The following CAPZB variants were observed in gnomAD, a reference collection of about 807,000 sequenced individuals.
CAPZB encodes the protein capping actin protein of muscle Z-line subunit beta, also known as F-actin-capping protein subunit beta.
Under a neutral mutation model 38.1 loss-of-function variants are expected in CAPZB, and 2 were observed. The ratio of observed to expected loss-of-function variants is 0.05; its 90% CI spans 0.02 to 0.17. The LOEUF is 0.17. CAPZB is among the 10% of genes least tolerant of loss of function. The pLI is 1.00. For synonymous variants in CAPZB, 107 were observed against 127.4 expected (o/e 0.84, Z 1.08); for missense variants, 161 against 334.2 (o/e 0.48, Z 4.04).
chr1:19,484,135 T>A, intron 1 of CAPZB: 1 of 1,569,718 alleles, frequency 6.4e-7, no homozygotes, highest in Non-Finnish European at 8.7e-7. Context: ...CTGCCTTCTT[T>A]ACCAAAACAA....
chr1:19,346,505 A>T (rs11582582), intron 6 of CAPZB, among the ~76,000 whole-genome samples: 9,469 of 149,414 alleles, frequency 0.063, 486 homozygotes, highest in African/African-American at 0.13. Flanking sequence ...AAATGAGACC[A>T]GGCCCACAGA....
intron 2 of CAPZB, among the ~76,000 whole-genome samples, chr1:19,411,384 T>C (rs1436213349): frequency 6.6e-6 from 1 of 152,232 alleles, no homozygotes; most frequent in East Asian, 1.9e-4. Flanking sequence ...ATCTTAAAGA[T>C]GATGGGAGAG....
chr1:19,439,478 G>A (rs538355078), intron 1 of CAPZB, among the ~76,000 whole-genome samples: 15 of 152,194 alleles, frequency 9.9e-5, no homozygotes, highest in Admixed American at 2.6e-4. Context: ...AAAGCACTAG[G>A]TGTTTTGACC....
At chr1:19,367,606 G>C (rs1569987134) in intron 4 of CAPZB, among the ~76,000 whole-genome samples, 1 of 152,110 alleles carries the variant, frequency 6.6e-6, no homozygotes, top group Non-Finnish European at 1.5e-5. Context: ...ATGGTTTAGG[G>C]AACACGGCCC....
intron 6 of CAPZB, among the ~76,000 whole-genome samples, chr1:19,349,844 C>T (rs1404316545): frequency 6.6e-6 from 1 of 152,198 alleles, no homozygotes; most frequent in East Asian, 1.9e-4. Context: ...CGTATTTCCA[C>T]AGCCCCCTTG....
intron 2 of CAPZB, among the ~76,000 whole-genome samples, chr1:19,411,214 T>C: frequency 6.6e-6 from 1 of 152,162 alleles, no homozygotes; most frequent in Middle Eastern, 3.2e-3. Flanking sequence ...CTATGTTTAA[T>C]TTAAAAAGAT....
rs2100778049 is a variant in CAPZB, at chr1:19,471,477, C to A, written c.3+13959G>T. ...TGCAGGGCTGAGGATCCCACACTCA[C>A]AGTATTTACATGTCTATGTTCTGAC... On this transcript the variant is annotated intron_variant, in intron 1 of 8. Transcript: ENST00000264202. Among the ~76,000 whole-genome samples, 3 of 152,320 alleles carry A rather than the reference C, an allele frequency of 2.0e-5. 1 individual carries two copies. The Middle Eastern group carries it at 0.01, about 518-fold the overall frequency.
rs368077867 is a variant in CAPZB at position 19,342,790 on chromosome 1, C to T, written c.731+1568G>A. 36 of 1,611,926 alleles carry T rather than the reference C, an allele frequency of 2.2e-5. No homozygotes were observed. The highest frequency in any genetic ancestry group is 1.1e-4 in the African/African-American group (8 of 74,784). On this transcript the variant is annotated intron_variant, in intron 8 of 8. Transcript: ENST00000264202. Reference sequence around the variant, plus strand: ...ATTATCAGGCTGGATGTAGATCTGGCGCTGGGTCAGCACTTGAGAGAGCTC... The same window carrying T: ...ATTATCAGGCTGGATGTAGATCTGGTGCTGGGTCAGCACTTGAGAGAGCTC...
chr1:19,379,925 C>T (rs1197738723), intron 3 of CAPZB, among the ~76,000 whole-genome samples: 2 of 152,196 alleles, frequency 1.3e-5, no homozygotes, highest in Non-Finnish European at 2.9e-5. Flanking sequence ...AAACGCCTCG[C>T]TGTTTCCACT....
intron 1 of CAPZB, among the ~76,000 whole-genome samples, chr1:19,477,927 G>A (rs1459107405): frequency 3.3e-5 from 5 of 152,148 alleles, no homozygotes; most frequent in Non-Finnish European, 7.3e-5. Flanking sequence ...TGGTAAATAC[G>A]ATGCCTGAAT....
At chr1:19,477,287 A>G (rs1283641739) in intron 1 of CAPZB, among the ~76,000 whole-genome samples, 1 of 152,208 alleles carries the variant, frequency 6.6e-6, no homozygotes, top group African/African-American at 2.4e-5. Flanking sequence ...TGCCTGAACA[A>G]GGTCTCAAAT....
intron 4 of CAPZB, among the ~76,000 whole-genome samples, chr1:19,378,250 T>C (rs182784852): frequency 1.2e-4 from 19 of 152,350 alleles, no homozygotes; most frequent in Admixed American, 3.3e-4. Flanking sequence ...GCTGTTATTA[T>C]GAATCACGAT....
intron 1 of CAPZB, among the ~76,000 whole-genome samples, chr1:19,459,974 G>A (rs1254078077): frequency 6.6e-6 from 1 of 152,062 alleles, no homozygotes; most frequent in Non-Finnish European, 1.5e-5. Flanking sequence ...GCCCCAAAGC[G>A]CAAGAGTAGT....
chr1:19,380,477 G>A (rs1348453307), intron 3 of CAPZB, among the ~76,000 whole-genome samples: 1 of 152,236 alleles, frequency 6.6e-6, no homozygotes, highest in East Asian at 1.9e-4. Context: ...CCAGATGGCT[G>A]GGAAGACAGG....
At chr1:19,393,203 C>T (rs12094018) in intron 2 of CAPZB, among the ~76,000 whole-genome samples, 54,290 of 152,184 alleles carry the variant, frequency 0.36, 9,957 homozygotes, top group South Asian at 0.49. Context: ...TGAGCATGGC[C>T]ACCTCTGCAA....
chr1:19,366,520 T>C (rs1040341230), intron 4 of CAPZB, among the ~76,000 whole-genome samples: 8 of 151,712 alleles, frequency 5.3e-5, no homozygotes, highest in African/African-American at 1.9e-4. Flanking sequence ...GAATCCCATT[T>C]CTACTAAAAA....
chr1:19,418,754 A>AT (rs2094390551), intron 2 of CAPZB, among the ~76,000 whole-genome samples: 1 of 152,212 alleles, frequency 6.6e-6, no homozygotes. Flanking sequence ...GCAGTCATAT[A>AT]TTTTTCCTAG....
chr1:19,484,431 C>G, intron 1 of CAPZB: 1 of 1,513,458 alleles, frequency 6.6e-7, no homozygotes, highest in Non-Finnish European at 8.8e-7. Flanking sequence ...CCCCGGCCTG[C>G]CCTGCAGAAT....
At chr1:19,415,140 A>G (rs963570176) in intron 2 of CAPZB, among the ~76,000 whole-genome samples, 2 of 152,248 alleles carry the variant, frequency 1.3e-5, no homozygotes, top group Admixed American at 6.5e-5. Flanking sequence ...TGACATCTTA[A>G]GCGAGGCCAT....
Sources: gnomAD v4.1 joint callset for allele counts (sites outside exome capture counted in the v4.1 genomes callset) on GRCh38, gnomAD v4.1.1 for gene constraint, MANE v1.5 for transcripts, NCBI Gene and HGNC (gene_info 2026-07-23, HGNC 2026-07-21) for gene names.